The following NTM variants were observed in gnomAD, a reference collection of about 807,000 sequenced individuals.
NTM encodes IgLON family member 2.
In NTM, 13 loss-of-function variants were observed where a neutral mutation model predicts 42.1. The observed-to-expected ratio is 0.31, with a 90% CI of 0.20 to 0.49. The LOEUF is 0.49. Among genes scored for constraint, NTM ranks in the 20% least tolerant of loss-of-function variants. The probability of loss-of-function intolerance (pLI) is 0.99; values close to 1 mark genes in which losing one functional copy is unlikely to be tolerated. For synonymous variants in NTM, 187 were observed against 179.2 expected (o/e 1.04, Z -0.35); for missense variants, 373 against 452.8 (o/e 0.82, Z 1.60).
chr11:131,475,485 G>T (rs755984342), intron 1 of NTM, among the ~76,000 whole-genome samples: 1 of 151,884 alleles, frequency 6.6e-6, no homozygotes, highest in Non-Finnish European at 1.5e-5. Flanking sequence ...ATAAAAAATT[G>T]CCCTGAGGAG....
At chr11:131,798,366 G>T (rs2091805920) in intron 1 of NTM, among the ~76,000 whole-genome samples, 1 of 152,184 alleles carries the variant, frequency 6.6e-6, no homozygotes, top group African/African-American at 2.4e-5. Context: ...CTAGGAAAGA[G>T]GGAAGATGGA....
At chr11:132,004,490 C>T (rs142307690) in intron 2 of NTM, among the ~76,000 whole-genome samples, 1 of 152,138 alleles carries the variant, frequency 6.6e-6, no homozygotes, top group South Asian at 2.1e-4. Context: ...CCATTGATAT[C>T]TTTGTGCTAC....
intron 1 of NTM, among the ~76,000 whole-genome samples, chr11:131,511,295 C>T (rs1266312253): frequency 1.3e-5 from 2 of 152,188 alleles, no homozygotes; most frequent in African/African-American, 4.8e-5. Context: ...CCAGCCAGGC[C>T]ATGAGCCCAG....
chr11:132,086,263 G>T (rs1211900752), intron 2 of NTM, among the ~76,000 whole-genome samples: 2 of 147,276 alleles, frequency 1.4e-5, no homozygotes, highest in Non-Finnish European at 3.0e-5. Flanking sequence ...GGCGGAGCTT[G>T]CAGTGAGCCG....
chr11:132,035,479 C>G (rs2076399371), intron 2 of NTM, among the ~76,000 whole-genome samples: 1 of 152,188 alleles, frequency 6.6e-6, no homozygotes, highest in Non-Finnish European at 1.5e-5. Flanking sequence ...AATGCCTCTG[C>G]ATAATGGTCC....
At chr11:131,405,016 T>A (rs989224698) in intron 1 of NTM, among the ~76,000 whole-genome samples, 1 of 152,104 alleles carries the variant, frequency 6.6e-6, no homozygotes, top group Non-Finnish European at 1.5e-5. Flanking sequence ...AAACAACAAT[T>A]AAGGGCTTTA....
At chr11:131,709,887 C>G (rs932126605) in intron 1 of NTM, among the ~76,000 whole-genome samples, 1 of 152,048 alleles carries the variant, frequency 6.6e-6, no homozygotes, top group African/African-American at 2.4e-5. Flanking sequence ...AGGAAAGAGT[C>G]CTCGTGATGG....
chr11:131,931,473 G>A (rs2058607847), intron 2 of NTM, among the ~76,000 whole-genome samples: 1 of 135,328 alleles, frequency 7.4e-6, no homozygotes, highest in South Asian at 2.8e-4. Flanking sequence ...ATATACGTGT[G>A]TGTGTGTGTG....
intron 1 of NTM, among the ~76,000 whole-genome samples, chr11:131,626,429 G>A (rs890143354): frequency 1.5e-4 from 23 of 152,144 alleles, no homozygotes; most frequent in African/African-American, 5.6e-4. Flanking sequence ...GATGAGTGAG[G>A]ACCTGTGTGA....
intron 1 of NTM, among the ~76,000 whole-genome samples, chr11:131,434,346 C>T (rs1948942194): frequency 6.6e-6 from 1 of 152,180 alleles, no homozygotes; most frequent in Non-Finnish European, 1.5e-5. Context: ...AGTTCTAGAT[C>T]CTTGAGGAAT....
At chr11:131,622,299 AAT>A (rs1271489554) in intron 1 of NTM, among the ~76,000 whole-genome samples, 1 of 152,194 alleles carries the variant, frequency 6.6e-6, no homozygotes, top group African/African-American at 2.4e-5. Context: ...AAAATAGGTG[AAT>A]ATATGTTTCA....
At chr11:131,932,549 T>C (rs563104331) in intron 2 of NTM, among the ~76,000 whole-genome samples, 1 of 152,312 alleles carries the variant, frequency 6.6e-6, no homozygotes, top group Admixed American at 6.5e-5. Flanking sequence ...ATCACCCCAA[T>C]TCTTCCTGGA....
chr11:131,621,761 G>A (rs1052005580), intron 1 of NTM, among the ~76,000 whole-genome samples: 4 of 149,418 alleles, frequency 2.7e-5, no homozygotes, highest in African/African-American at 9.9e-5. Context: ...GGTTGAGGCT[G>A]CAGTAAGCTG....
Position 131,561,477 on chromosome 11 carries a change from G to C in NTM, c.82+190589G>C, listed in dbSNP as rs140487342. ...TTCCCCCATCCATTGTATCCATGAAGAAGACAGAGTGAAAGGATAGTGGGT... is the reference window on the plus strand; with the variant it reads ...TTCCCCCATCCATTGTATCCATGAACAAGACAGAGTGAAAGGATAGTGGGT... On this transcript the variant is annotated intron_variant, in intron 1 of 8. Coordinates refer to ENST00000683400, the MANE Select transcript of NTM (RefSeq NM_001352005.2). Among the ~76,000 whole-genome samples the C allele has an allele frequency of 7.6e-3, 1,159 of 152,256 alleles. 19 individuals carry two copies. Among genetic ancestry groups the C allele is most frequent in the African/African-American group, 0.026 (1,091 of 41,542 alleles).
chr11:132,291,430 T>G (rs3099782), intron 4 of NTM, among the ~76,000 whole-genome samples: 132,503 of 152,166 alleles, frequency 0.87, 57,896 homozygotes, highest in East Asian at 0.92. Flanking sequence ...GGAAGATAAA[T>G]CTAGAAGAAT....
At chr11:131,721,892 G>A (rs2078378080) in intron 1 of NTM, among the ~76,000 whole-genome samples, 1 of 149,396 alleles carries the variant, frequency 6.7e-6, no homozygotes, top group Non-Finnish European at 1.5e-5. Flanking sequence ...TCAGCTACTT[G>A]AGAGACTGAG....
chr11:131,827,711 A>G (rs1043966916), intron 1 of NTM, among the ~76,000 whole-genome samples: 11 of 152,312 alleles, frequency 7.2e-5, no homozygotes, highest in African/African-American at 1.9e-4. Context: ...ATATTTTCAC[A>G]CTGAGTAGTT....
intron 1 of NTM, among the ~76,000 whole-genome samples, chr11:131,544,211 C>G (rs1331636926): frequency 6.6e-6 from 1 of 152,120 alleles, no homozygotes; most frequent in Non-Finnish European, 1.5e-5. Flanking sequence ...TGGAATAAAA[C>G]AAATTTTTCT....
chr11:132,129,777 A>C (rs1365049944), intron 2 of NTM, among the ~76,000 whole-genome samples: 1 of 152,250 alleles, frequency 6.6e-6, no homozygotes, highest in Admixed American at 6.5e-5. Flanking sequence ...CAAGAAGAGC[A>C]TACAGTACAG....
Sources: gnomAD v4.1 joint callset for allele counts (sites outside exome capture counted in the v4.1 genomes callset) on GRCh38, gnomAD v4.1.1 for gene constraint, MANE v1.5 for transcripts, NCBI Gene and HGNC (gene_info 2026-07-23, HGNC 2026-07-21) for gene names.